IMMP2L: variants seen among roughly 807,000 people sequenced by gnomAD.
IMMP2L encodes mitochondrial inner membrane protease subunit 2.
In IMMP2L, 18 loss-of-function variants were observed where a neutral mutation model predicts 19.3. That is an observed-to-expected ratio of 0.93 (90% CI 0.64 to 1.38). The LOEUF (loss-of-function observed/expected upper bound fraction) is 1.38. Ranked by LOEUF, IMMP2L falls within the 40% of genes most tolerant of loss-of-function variation. IMMP2L has a pLI of 0.00. For missense variants in IMMP2L, 233 were observed against 218.2 expected (o/e 1.07, Z -0.43); for synonymous variants, 76 against 73.0 (o/e 1.04, Z -0.21).
chr7:111,260,792 T>A (rs1368475326), intron 3 of IMMP2L, among the ~76,000 whole-genome samples: 1 of 152,140 alleles, frequency 6.6e-6, no homozygotes, highest in Non-Finnish European at 1.5e-5. Context: ...AAAATTATAC[T>A]ATAAATACGT....
chr7:111,267,416 G>C (rs1230261647), intron 3 of IMMP2L, among the ~76,000 whole-genome samples: 1 of 152,094 alleles, frequency 6.6e-6, no homozygotes, highest in East Asian at 1.9e-4. Flanking sequence ...TTGTTTCCCA[G>C]TTGGTCAGTT....
rs929663652 is a variant in IMMP2L, at chr7:110,767,231, T to C, written c.409-103510A>G. Among the ~76,000 whole-genome samples, 6 of 152,122 alleles carry C rather than the reference T, an allele frequency of 3.9e-5. No individual in the cohort carries two copies. The East Asian group carries it at 5.8e-4, about 15-fold the overall frequency. ...TAACCTTACCTACAAAAGAACCAGT[T>C]TGTGTTTTTGCAAAATGGAAAAGAT... On this transcript the variant is annotated intron_variant, in intron 5 of 5. Coordinates refer to ENST00000405709, the MANE Select transcript of IMMP2L (RefSeq NM_032549.4).
At chr7:111,177,342 TA>T (rs1487480587) in intron 3 of IMMP2L, among the ~76,000 whole-genome samples, 1 of 151,986 alleles carries the variant, frequency 6.6e-6, no homozygotes, top group Non-Finnish European at 1.5e-5. Context: ...ACATGCCAGC[TA>T]ATTTTTTAAA....
chr7:111,121,269 T>C (rs1800579985), intron 3 of IMMP2L, among the ~76,000 whole-genome samples: 1 of 152,216 alleles, frequency 6.6e-6, no homozygotes, highest in Non-Finnish European at 1.5e-5. Flanking sequence ...GTCTGTCAGA[T>C]GAGTAGATTG....
In IMMP2L at chr7:110,663,271, C is replaced by T; in HGVS notation, c.*331G>A. 1 of 188,260 alleles carries T rather than the reference C, an allele frequency of 5.3e-6. No individual in the cohort carries two copies. Among genetic ancestry groups the T allele is most frequent in the South Asian group, 1.0e-4 (1 of 9,810 alleles). The allele number at this position is 188,260 out of a possible 1,614,324, so 11.7% of individuals were successfully genotyped here. ...AGCAAGCACCAAAATCAAAACCCAACAATCAATATAATAAGTATATGTAAC... is the reference window on the plus strand; with the variant it reads ...AGCAAGCACCAAAATCAAAACCCAATAATCAATATAATAAGTATATGTAAC... On this transcript the variant is annotated 3_prime_UTR_variant, in exon 6 of 6. Coordinates refer to ENST00000405709, the MANE Select transcript of IMMP2L (RefSeq NM_032549.4).
rs994160245 is a variant in IMMP2L at position 110,743,448 on chromosome 7, T to G, written c.409-79727A>C. 2.0e-5 allele frequency among the ~76,000 whole-genome samples: 3 copies of G among 152,226 alleles called. No homozygotes were observed. In the South Asian group the frequency reaches 6.2e-4, roughly 32 times the overall value. The stretch of plus-strand genomic sequence containing the variant: ...AAGATGTGCTATTATTTAAAATGTT[T>G]TTTTAAAAAAAATAATTTCCAGTTG... On this transcript the variant is annotated intron_variant, in intron 5 of 5. Coordinates refer to ENST00000405709, the MANE Select transcript of IMMP2L (RefSeq NM_032549.4).
rs1818610919 is a variant in IMMP2L, at chr7:110,958,634, CAAGG to C, written c.305+4862_305+4865del. Among the ~76,000 whole-genome samples the C allele has an allele frequency of 2.0e-5, 3 of 151,922 alleles. No homozygotes were observed. The South Asian group carries it at 6.2e-4, about 32-fold the overall frequency. On this transcript the variant is annotated intron_variant, in intron 4 of 5. Coordinates refer to ENST00000405709, the MANE Select transcript of IMMP2L (RefSeq NM_032549.4). ...CTTACCAACAGGTTCCTTATAAGTA[CAAGG>C]TATGCAGCAGATGACTGGTCTATCT... is the stretch of plus-strand genomic sequence containing the variant.
intron 5 of IMMP2L, among the ~76,000 whole-genome samples, chr7:110,756,451 G>A (rs573984341): frequency 6.6e-6 from 1 of 152,064 alleles, no homozygotes; most frequent in African/African-American, 2.4e-5. Context: ...TTGAAGCCCA[G>A]ATGGAAGATA....
At chr7:111,254,003 G>A (rs1026770520) in intron 3 of IMMP2L, among the ~76,000 whole-genome samples, 2 of 152,064 alleles carry the variant, frequency 1.3e-5, no homozygotes, top group Non-Finnish European at 2.9e-5. Context: ...TAATATTTAT[G>A]GAAATTATCT....
rs1811504047 is a variant in IMMP2L at position 111,213,077 on chromosome 7, G to C, written c.240-249512C>G. Among the ~76,000 whole-genome samples, 1 of 152,216 alleles carries C rather than the reference G, an allele frequency of 6.6e-6. No homozygotes were observed. Among genetic ancestry groups the C allele is most frequent in the Non-Finnish European group, 1.5e-5 (1 of 68,042 alleles). On this transcript the variant is annotated intron_variant, in intron 3 of 5. Coordinates refer to ENST00000405709, the MANE Select transcript of IMMP2L (RefSeq NM_032549.4). The surrounding 1 kb of genome is among the most constrained non-coding windows in gnomAD (Gnocchi z 4.8). The stretch of plus-strand genomic sequence containing the variant: ...GCACAGCTGCAGCCACCCAAGTGGC[G>C]GCTCCAAACCCAGGCATTTCTACAC...
intron 4 of IMMP2L, among the ~76,000 whole-genome samples, chr7:110,903,415 T>C (rs1812116164): frequency 6.6e-6 from 1 of 152,160 alleles, no homozygotes; most frequent in Admixed American, 6.5e-5. Flanking sequence ...CTCTTCATTT[T>C]CCCCTCTGTA....
At chr7:111,377,711 T>A (rs1055044149) in intron 3 of IMMP2L, among the ~76,000 whole-genome samples, 2 of 152,018 alleles carry the variant, frequency 1.3e-5, no homozygotes, top group Admixed American at 6.6e-5. Flanking sequence ...TTTGCTTAGA[T>A]AATCTCTGAG....
intron 3 of IMMP2L, among the ~76,000 whole-genome samples, chr7:111,275,695 G>A (rs985812088): frequency 5.3e-5 from 8 of 151,970 alleles, no homozygotes; most frequent in South Asian, 2.1e-4. Flanking sequence ...ATGTTTTTCC[G>A]TTTGTTTGTG....
intron 3 of IMMP2L, among the ~76,000 whole-genome samples, chr7:111,143,255 G>A (rs1390137579): frequency 6.6e-6 from 1 of 152,150 alleles, no homozygotes; most frequent in East Asian, 1.9e-4. Flanking sequence ...CAATTGTGAT[G>A]TTATAACTAC....
intron 3 of IMMP2L, among the ~76,000 whole-genome samples, chr7:110,991,862 G>T (rs926662805): frequency 2.6e-5 from 4 of 152,046 alleles, no homozygotes; most frequent in Non-Finnish European, 5.9e-5. Context: ...TTCTGCACCT[G>T]GTTGACCTAC....
intron 3 of IMMP2L, among the ~76,000 whole-genome samples, chr7:111,439,135 T>C (rs761619638): frequency 2.2e-4 from 34 of 151,900 alleles, no homozygotes; most frequent in Middle Eastern, 3.2e-3. Flanking sequence ...CATCCAGCTA[T>C]CCTCTGGAAA....
At chr7:110,705,369 T>C (rs575885037) in intron 5 of IMMP2L, among the ~76,000 whole-genome samples, 8 of 152,280 alleles carry the variant, frequency 5.3e-5, no homozygotes, top group Admixed American at 3.3e-4. Flanking sequence ...ATGTACTGCA[T>C]AGCACTTTCC....
At chr7:111,271,859 GA>G (rs1199105480) in intron 3 of IMMP2L, among the ~76,000 whole-genome samples, 5 of 152,080 alleles carry the variant, frequency 3.3e-5, no homozygotes, top group Non-Finnish European at 7.4e-5. Context: ...TTCAAGCTTA[GA>G]AGTCATTCTT....
chr7:111,294,796 T>C (rs1035950259), intron 3 of IMMP2L, among the ~76,000 whole-genome samples: 3 of 151,850 alleles, frequency 2.0e-5, no homozygotes, highest in Non-Finnish European at 4.4e-5. Context: ...TTCAAAGGAC[T>C]TAGCAAAAAC....
Sources: gnomAD v4.1 joint callset for allele counts (sites outside exome capture counted in the v4.1 genomes callset) on GRCh38, gnomAD v4.1.1 for gene constraint, Gnocchi (gnomAD v3.1) non-coding constraint, MANE v1.5 for transcripts, NCBI Gene and HGNC (gene_info 2026-07-23, HGNC 2026-07-21) for gene names.